Variants in CDC14A observed in about 807,000 individuals in gnomAD.
The protein encoded by CDC14A is dual specificity protein phosphatase CDC14A.
A neutral mutation model predicts 74.4 loss-of-function variants in CDC14A; 53 were observed. That is an observed-to-expected ratio of 0.71 (90% CI 0.57 to 0.89). The LOEUF is 0.89. CDC14A is among the 40% of genes least tolerant of loss of function. The pLI is 0.00. For synonymous variants in CDC14A, 247 were observed against 258.4 expected, an observed-to-expected ratio of 0.96 and a Z score of 0.43; for missense variants, 646 against 713.7, an observed-to-expected ratio of 0.91 and a Z score of 1.08.
At chr1:100,358,621 T>G (rs992152048) in intron 2 of CDC14A, among the ~76,000 whole-genome samples, 1 of 152,246 alleles carries the variant, frequency 6.6e-6, no homozygotes, top group Non-Finnish European at 1.5e-5. Context: ...TTTTAGCATG[T>G]TAAGAATGAG....
chr1:100,429,550 A>G (rs1663386540), intron 5 of CDC14A, among the ~76,000 whole-genome samples: 1 of 151,654 alleles, frequency 6.6e-6, no homozygotes, highest in South Asian at 2.1e-4. Flanking sequence ...TGATCCCTAG[A>G]TTCTGTGCCC....
chr1:100,435,823 T>TAA (rs10545372), intron 5 of CDC14A, among the ~76,000 whole-genome samples: 13 of 97,932 alleles, frequency 1.3e-4, no homozygotes, highest in South Asian at 3.3e-4. Flanking sequence ...AGACTTCGTC[T>TAA]AAAAAAAAAA....
intron 7 of CDC14A, among the ~76,000 whole-genome samples, chr1:100,455,189 A>G (rs1484177921): frequency 2.0e-5 from 3 of 152,228 alleles, no homozygotes; most frequent in Non-Finnish European, 4.4e-5. Flanking sequence ...GTTTCTAAAC[A>G]TTTCATACAG....
intron 3 of CDC14A, among the ~76,000 whole-genome samples, chr1:100,388,422 A>G (rs1242686638): frequency 3.9e-5 from 6 of 152,332 alleles, no homozygotes; most frequent in Admixed American, 3.9e-4. Context: ...AAGTGTCAGC[A>G]CCATTGGTTG....
chr1:100,420,025 C>CATATATATATACAT (rs201774531), intron 4 of CDC14A, among the ~76,000 whole-genome samples: 34 of 66,274 alleles, frequency 5.1e-4, no homozygotes, highest in Non-Finnish European at 7.3e-4. Flanking sequence ...TATATATATA[C>CATATATATATACAT]ATATATACAC....
chr1:100,416,474 A>G (rs1489371782), intron 4 of CDC14A, among the ~76,000 whole-genome samples: 1 of 152,190 alleles, frequency 6.6e-6, no homozygotes, highest in Non-Finnish European at 1.5e-5. Context: ...TCAGGAGACT[A>G]GGGAGGCTGT....
intron 11 of CDC14A, among the ~76,000 whole-genome samples, chr1:100,492,719 A>C (rs1670832106): frequency 1.3e-5 from 2 of 152,170 alleles, no homozygotes; most frequent in African/African-American, 4.8e-5. Flanking sequence ...TGCTTTAAAA[A>C]GTTGTGCCAA....
intron 3 of CDC14A, among the ~76,000 whole-genome samples, chr1:100,381,016 C>T (rs920679863): frequency 2.0e-5 from 3 of 152,114 alleles, no homozygotes; most frequent in African/African-American, 7.2e-5. Flanking sequence ...AGATCTGTAT[C>T]GTTGATGAAT....
At position 100,451,006 on chromosome 1, in the gene CDC14A, C is replaced by T. The variant is rs115024158; in HGVS notation, c.520-4399C>T. The stretch of plus-strand genomic sequence containing the variant: ...TTATAATGTGCTGTCTTTTGGATTT[C>T]TCCTCCCTCCATGGCTAGCCATCTT... On this transcript the variant is annotated intron_variant, in intron 7 of 15. Transcript: ENST00000336454. Among the ~76,000 whole-genome samples the T allele has an allele frequency of 4.1e-3, 623 of 152,224 alleles. 6 individuals are homozygous for T. Among genetic ancestry groups the T allele is most frequent in the African/African-American group, 0.014 (573 of 41,522 alleles).
intron 8 of CDC14A, among the ~76,000 whole-genome samples, chr1:100,460,374 C>T (rs6666899): frequency 0.27 from 41,667 of 151,972 alleles, 7,667 homozygotes; most frequent in African/African-American, 0.52. Flanking sequence ...TTCTTGCAGC[C>T]TTTGTTGCAG....
Position 100,393,326 on chromosome 1 carries a change from C to T in CDC14A, c.309+2502C>T, listed in dbSNP as rs768807221. 10 of 1,037,166 alleles carry T rather than the reference C, an allele frequency of 9.6e-6. No homozygotes were observed. In the South Asian group the frequency reaches 1.1e-4, roughly 12 times the overall value. 64.2% of individuals were successfully genotyped at this position (1,037,166 alleles called of 1,614,324 possible). A position where few individuals can be genotyped will look rare whatever the true frequency, so the allele number is the denominator to read the frequency against. ...TCCAGGCATTACATCCATGCTGTGACATTAGTTTCAGATTCTCAGTTGTAA... is the reference window on the plus strand; with the variant it reads ...TCCAGGCATTACATCCATGCTGTGATATTAGTTTCAGATTCTCAGTTGTAA... On this transcript the variant is annotated intron_variant, in intron 4 of 15. Coordinates refer to ENST00000336454, the MANE Select transcript of CDC14A (RefSeq NM_003672.4).
intron 3 of CDC14A, among the ~76,000 whole-genome samples, chr1:100,379,498 A>G (rs746144659): frequency 6.6e-6 from 1 of 152,262 alleles, no homozygotes; most frequent in African/African-American, 2.4e-5. Flanking sequence ...AGCATACTAC[A>G]TAGAATCTCT....
intron 2 of CDC14A, among the ~76,000 whole-genome samples, chr1:100,376,321 T>C (rs1655258837): frequency 6.6e-6 from 1 of 151,836 alleles, no homozygotes; most frequent in African/African-American, 2.4e-5. Flanking sequence ...AAAGTACAGG[T>C]GTGAGATGAA....
intron 11 of CDC14A, among the ~76,000 whole-genome samples, chr1:100,491,548 CTATATATA>C (rs67056785): frequency 5.2e-5 from 2 of 38,760 alleles, no homozygotes; most frequent in African/African-American, 1.7e-4. Flanking sequence ...CTCTCTCTCT[CTATATATA>C]TATATATATA....
At chr1:100,391,753 A>T (rs1382026810) in intron 4 of CDC14A, among the ~76,000 whole-genome samples, 1 of 152,182 alleles carries the variant, frequency 6.6e-6, no homozygotes, top group Admixed American at 6.5e-5. Context: ...CTAGGGGAAA[A>T]AGCCCAGCAG....
chr1:100,351,066 C>T (rs1324136357), upstream of CDC14A, among the ~76,000 whole-genome samples: 1 of 152,068 alleles, frequency 6.6e-6, no homozygotes, highest in Non-Finnish European at 1.5e-5. Flanking sequence ...TGGTGGCGCA[C>T]GCCTGTAGAT....
At chr1:100,434,812 C>T (rs115698606) in intron 5 of CDC14A, among the ~76,000 whole-genome samples, 1,889 of 152,122 alleles carry the variant, frequency 0.012, 40 homozygotes, top group African/African-American at 0.043. Context: ...GACACCCGAA[C>T]GGAAATGCCA....
intron 4 of CDC14A, among the ~76,000 whole-genome samples, chr1:100,422,015 A>T (rs994155238): frequency 5.3e-5 from 8 of 152,204 alleles, no homozygotes; most frequent in African/African-American, 1.9e-4. Flanking sequence ...TTGCCCAAAT[A>T]CCTACCTTCA....
chr1:100,431,877 A>T (rs576654472), intron 5 of CDC14A, among the ~76,000 whole-genome samples: 155 of 152,044 alleles, frequency 1.0e-3, no homozygotes, highest in Non-Finnish European at 1.8e-3. Context: ...TTACTGGTTA[A>T]ATGGGTGTCA....
Sources: gnomAD v4.1 joint callset for allele counts (sites outside exome capture counted in the v4.1 genomes callset) on GRCh38, gnomAD v4.1.1 for gene constraint, MANE v1.5 for transcripts, NCBI Gene and HGNC (gene_info 2026-07-23, HGNC 2026-07-21) for gene names.